FHL5: variants seen among roughly 807,000 people sequenced by gnomAD.
FHL5 encodes the protein four and a half LIM domains protein 5.
In FHL5, 33 loss-of-function variants were observed where a neutral mutation model predicts 32.0. The ratio of observed to expected loss-of-function variants is 1.03; its 90% CI spans 0.78 to 1.38. FHL5 has a LOEUF of 1.38. FHL5 is among the 40% of genes most tolerant of loss of function. FHL5 has a pLI of 0.00. For synonymous variants in FHL5, 114 were observed against 113.6 expected (o/e 1.00, Z -0.02); for missense variants, 336 against 343.9 (o/e 0.98, Z 0.18).
chr6:96,591,017 A>C (rs1241253250), intron 1 of FHL5, among the ~76,000 whole-genome samples: 1 of 152,070 alleles, frequency 6.6e-6, no homozygotes, highest in Non-Finnish European at 1.5e-5. Flanking sequence ...ATTTATTGTC[A>C]GAAGTATTAT....
At chr6:96,576,608 A>G (rs747000111) in intron 1 of FHL5, among the ~76,000 whole-genome samples, 1 of 152,252 alleles carries the variant, frequency 6.6e-6, no homozygotes. Flanking sequence ...ACTAAAGTGT[A>G]TATATTCAGG....
chr6:96,591,904 AG>A (rs1770926711), intron 1 of FHL5, among the ~76,000 whole-genome samples: 1 of 152,096 alleles, frequency 6.6e-6, no homozygotes. Flanking sequence ...AAAACCAGCA[AG>A]TTTTTATTAG....
chr6:96,584,435 A>G (rs939468546), intron 1 of FHL5, among the ~76,000 whole-genome samples: 27 of 146,886 alleles, frequency 1.8e-4, no homozygotes, highest in Admixed American at 6.8e-4. Context: ...CAGGTGGGAT[A>G]TGTGTGTGTG....
At chr6:96,581,552 G>T (rs776965889) in intron 1 of FHL5, among the ~76,000 whole-genome samples, 1 of 152,164 alleles carries the variant, frequency 6.6e-6, no homozygotes, top group African/African-American at 2.4e-5. Context: ...TTCCTCAGGA[G>T]ACTTAGTTTC....
chr6:96,608,477 G>T (rs1272541885), intron 4 of FHL5, among the ~76,000 whole-genome samples: 3 of 151,728 alleles, frequency 2.0e-5, no homozygotes, highest in Non-Finnish European at 2.9e-5. Flanking sequence ...CCAAACCAAA[G>T]ACCAAATATT....
At chr6:96,564,854 T>C (rs1362889714) in intron 1 of FHL5, among the ~76,000 whole-genome samples, 1 of 152,146 alleles carries the variant, frequency 6.6e-6, no homozygotes, top group African/African-American at 2.4e-5. Context: ...TTGGTTACTT[T>C]TTGGTACCCT....
intron 1 of FHL5, among the ~76,000 whole-genome samples, chr6:96,568,321 A>C (rs975422999): frequency 6.6e-6 from 1 of 151,870 alleles, no homozygotes; most frequent in African/African-American, 2.4e-5. Flanking sequence ...TCTTACCTAC[A>C]TGGTGAATAA....
At chr6:96,610,535 C>T (rs746744653) in intron 4 of FHL5, 37 bp from the exon 5 acceptor site, 3 of 1,491,210 alleles carry the variant, frequency 2.0e-6, no homozygotes, top group Middle Eastern at 1.9e-4. Context: ...ATTGTAATGG[C>T]TCCCATGGTC....
intron 5 of FHL5, among the ~76,000 whole-genome samples, chr6:96,612,272 T>C (rs1771426668): frequency 6.6e-6 from 1 of 152,124 alleles, no homozygotes; most frequent in South Asian, 2.1e-4. Context: ...CTTTCAGATA[T>C]CCAACAATAC....
intron 1 of FHL5, among the ~76,000 whole-genome samples, chr6:96,566,956 C>T (rs1166424153): frequency 6.6e-6 from 1 of 151,798 alleles, no homozygotes; most frequent in Non-Finnish European, 1.5e-5. Context: ...TCTCTGTTGA[C>T]TGTTTCCTTT....
intron 1 of FHL5, among the ~76,000 whole-genome samples, chr6:96,582,421 T>C (rs1287302405): frequency 6.6e-6 from 1 of 152,184 alleles, no homozygotes; most frequent in Non-Finnish European, 1.5e-5. Context: ...TTAAAGAATG[T>C]TTGATAAAAT....
At chr6:96,589,487 C>A (rs561231667) in intron 1 of FHL5, among the ~76,000 whole-genome samples, 1 of 152,080 alleles carries the variant, frequency 6.6e-6, no homozygotes, top group South Asian at 2.1e-4. Context: ...AGCTGGTTAT[C>A]CTCCTCTGTG....
At chr6:96,589,071 A>C (rs990424815) in intron 1 of FHL5, among the ~76,000 whole-genome samples, 1 of 152,110 alleles carries the variant, frequency 6.6e-6, no homozygotes, top group Non-Finnish European at 1.5e-5. Context: ...TTCCCATGTA[A>C]ATAACCAATT....
intron 1 of FHL5, among the ~76,000 whole-genome samples, chr6:96,576,708 T>C (rs1438544539): frequency 6.6e-6 from 1 of 152,260 alleles, no homozygotes; most frequent in Non-Finnish European, 1.5e-5. Flanking sequence ...CTTCTTCCTT[T>C]CTGCATTCAT....
At chr6:96,589,102 A>G (rs949188466) in intron 1 of FHL5, among the ~76,000 whole-genome samples, 4 of 152,088 alleles carry the variant, frequency 2.6e-5, no homozygotes, top group Admixed American at 2.6e-4. Flanking sequence ...CATTTCTTAA[A>G]TAATTATTTC....
chr6:96,615,164 A>G (rs1771490216), intron 5 of FHL5, among the ~76,000 whole-genome samples: 1 of 152,250 alleles, frequency 6.6e-6, no homozygotes, highest in African/African-American at 2.4e-5. Context: ...TAGGAAGCAT[A>G]CATTTATTTC....
rs577100050 is a variant in FHL5, at chr6:96,581,834, G to C, written c.-13+18479G>C. ...CTTAAAAAAATGTTATAGAATACTTGTTGAATTTTCCAAGGAGCATGAAGA... is the reference window on the plus strand; with the variant it reads ...CTTAAAAAAATGTTATAGAATACTTCTTGAATTTTCCAAGGAGCATGAAGA... On this transcript the variant is annotated intron_variant, in intron 1 of 5. Coordinates refer to ENST00000450218, the MANE Select transcript of FHL5 (RefSeq NM_001322466.2). 6.6e-5 allele frequency among the ~76,000 whole-genome samples: 10 copies of C among 152,248 alleles called. No homozygotes were observed. The East Asian group carries it at 1.9e-3, about 29-fold the overall frequency.
intron 1 of FHL5, among the ~76,000 whole-genome samples, chr6:96,572,863 A>C (rs1442346571): frequency 6.6e-6 from 1 of 152,114 alleles, no homozygotes. Context: ...GCATTTCCTT[A>C]TTCTCTATGT....
intron 1 of FHL5, among the ~76,000 whole-genome samples, chr6:96,573,062 A>C (rs536509517): frequency 6.6e-6 from 1 of 152,334 alleles, no homozygotes; most frequent in South Asian, 2.1e-4. Context: ...TCAAGGTATC[A>C]AACTATTTAT....
Sources: allele counts gnomAD v4.1 joint callset (sites outside exome capture counted in the v4.1 genomes callset), GRCh38; gene constraint gnomAD v4.1.1; transcripts MANE v1.5; gene names NCBI Gene and HGNC (gene_info 2026-07-23, HGNC 2026-07-21).